Variants in RDX observed in about 807,000 individuals in gnomAD.
RDX encodes radixin, also known as deafness, autosomal recessive 24.
Under a neutral mutation model 83.7 loss-of-function variants are expected in RDX, and 32 were observed. The ratio of observed to expected loss-of-function variants is 0.38; its 90% CI spans 0.29 to 0.51. The LOEUF (loss-of-function observed/expected upper bound fraction) is 0.51, where lower values mean the gene tolerates loss of function less well. Ranked by LOEUF, RDX falls within the 20% of genes least tolerant of loss-of-function variation. The pLI, the probability that RDX is intolerant of heterozygous loss-of-function variation, is 0.87. For synonymous variants in RDX, 229 were observed against 222.7 expected, an observed-to-expected ratio of 1.03 and a Z score of -0.25; for missense variants, 600 against 689.9, an observed-to-expected ratio of 0.87 and a Z score of 1.46.
chr11:110,185,534 CAG>C (rs1862969513), intron 15 of RDX: 1 of 152,252 alleles, frequency 6.6e-6, no homozygotes, highest in African/African-American at 2.4e-5. Flanking sequence ...CATGCTGAAT[CAG>C]AAACTCTGGT....
At chr11:110,296,332 G>A (rs1044482143) in intron 1 of RDX, 135 bp downstream of exon 1, 16 of 152,008 alleles carry the variant, frequency 1.1e-4, no homozygotes, top group Admixed American at 9.8e-4. Flanking sequence ...AGCTGGGCGC[G>A]AGCGGAGGCG....
At chr11:110,267,739 G>A (rs1860116568) in intron 3 of RDX, among the ~76,000 whole-genome samples, 1 of 151,750 alleles carries the variant, frequency 6.6e-6, no homozygotes, top group South Asian at 2.1e-4. Context: ...CAAGGCAGGA[G>A]GAGCTCAGGA....
intron 1 of RDX, among the ~76,000 whole-genome samples, chr11:110,294,524 G>A (rs1861367901): frequency 6.6e-6 from 1 of 152,016 alleles, no homozygotes; most frequent in Non-Finnish European, 1.5e-5. Flanking sequence ...AATTCCTTGA[G>A]TAAAAATTTA....
At chr11:110,265,964 T>C (rs1232206590) in intron 3 of RDX, among the ~76,000 whole-genome samples, 3 of 152,192 alleles carry the variant, frequency 2.0e-5, no homozygotes, top group East Asian at 3.8e-4. Context: ...ACAGAGATTA[T>C]TGATTTATGT....
intron 1 of RDX, among the ~76,000 whole-genome samples, chr11:110,292,173 A>G (rs1165258188): frequency 2.0e-5 from 3 of 152,018 alleles, no homozygotes; most frequent in Non-Finnish European, 4.4e-5. Context: ...TGTGCCTTAA[A>G]TCCCAGCTAC....
At chr11:110,175,575 G>A (rs1352017045) in intron 15 of RDX, among the ~76,000 whole-genome samples, 1 of 152,236 alleles carries the variant, frequency 6.6e-6, no homozygotes, top group East Asian at 1.9e-4. Flanking sequence ...GGTCTGGGTG[G>A]GTGGGTGTCA....
At chr11:110,236,333 C>T in intron 11 of RDX, 142 bp from the exon 12 acceptor site, 1 of 641,188 alleles carries the variant, frequency 1.6e-6, no homozygotes, top group East Asian at 2.8e-5. Flanking sequence ...TTCTTAAGAT[C>T]TTAAATAGCT....
intron 15 of RDX, among the ~76,000 whole-genome samples, chr11:110,189,740 C>A (rs1863067664): frequency 6.6e-6 from 1 of 152,214 alleles, no homozygotes; most frequent in African/African-American, 2.4e-5. Flanking sequence ...AATTAAACAA[C>A]TGCTCCTGAA....
chr11:110,182,231 G>A (rs2134218057), intron 15 of RDX, among the ~76,000 whole-genome samples: 1 of 152,344 alleles, frequency 6.6e-6, no homozygotes, highest in East Asian at 1.9e-4. Context: ...AGCTCCAGGA[G>A]GGCAGAGACG....
At chr11:110,206,236 GAC>G (rs998430635) in intron 14 of RDX, among the ~76,000 whole-genome samples, 1 of 123,106 alleles carries the variant, frequency 8.1e-6, no homozygotes, top group African/African-American at 3.2e-5. Context: ...CAGCCTGGAC[GAC>G]AGAGTGAGAG....
At chr11:110,237,184 GCAAAAGACGC>G in intron 11 of RDX, among the ~76,000 whole-genome samples, 1 of 148,356 alleles carries the variant, frequency 6.7e-6, no homozygotes. Flanking sequence ...TTTATCTAAA[GCAAAAGACGC>G]CAACTGACTT....
Position 110,264,796 on chromosome 11 carries a change from G to C in RDX, c.175C>G (p.Leu59Val). 1 of 1,610,564 alleles carries C rather than the reference G, an allele frequency of 6.2e-7. No individual in the cohort carries two copies. The highest frequency in any genetic ancestry group is 8.5e-7 in the Non-Finnish European group (1 of 1,177,296). Residue 59 changes from leucine to valine, a missense_variant, in exon 4 of 14, where the codon CTT becomes GTT. Physicochemically the swap from Leu to Val is conservative, Grantham distance 32. Transcript: ENST00000645495. The part of the protein sequence containing the change: ...YVDSKGYSTW[L>V]KLNKKVTQQD... ...TATTTTACCTTTTTATTTAGTTTAA[G>C]CCATGTAGAATAACCTTTGCTGTCT...
chr11:110,238,046 A>G (rs367647444), intron 10 of RDX, among the ~76,000 whole-genome samples: 2 of 152,240 alleles, frequency 1.3e-5, no homozygotes, highest in African/African-American at 4.8e-5. Context: ...TAATCTCTCC[A>G]TCTGAAGTTT....
intron 2 of RDX, among the ~76,000 whole-genome samples, chr11:110,279,352 C>G (rs1475479954): frequency 6.6e-6 from 1 of 152,028 alleles, no homozygotes; most frequent in East Asian, 1.9e-4. Flanking sequence ...ATGGTGAAAC[C>G]CCATCTATAC....
chr11:110,208,117 G>T (rs1683413758), intron 14 of RDX, among the ~76,000 whole-genome samples: 1 of 151,912 alleles, frequency 6.6e-6, no homozygotes. Flanking sequence ...ACCATGCCCG[G>T]CCCAGATCTA....
In RDX at chr11:110,231,646, C is replaced by A; in HGVS notation, c.*223G>T. 3 of 557,866 alleles carry A rather than the reference C, an allele frequency of 5.4e-6. No homozygotes were observed. Among genetic ancestry groups the A allele is most frequent in the Non-Finnish European group, 6.4e-6 (2 of 313,312 alleles). 34.6% of individuals were successfully genotyped at this position (557,866 alleles called of 1,614,324 possible). A position where few individuals can be genotyped will look rare whatever the true frequency, so the allele number is the denominator to read the frequency against. ...AAAAATGTGAAAAGAGGCAATGGAA[C>A]ACCATTCTCCATTCCCTGGACCAAA... On this transcript the variant is annotated 3_prime_UTR_variant, in exon 14 of 14. Coordinates refer to ENST00000645495, the MANE Select transcript of RDX (RefSeq NM_002906.4).
chr11:110,221,965 G>A (rs1336226944), intron 14 of RDX, among the ~76,000 whole-genome samples: 1 of 151,930 alleles, frequency 6.6e-6, no homozygotes, highest in South Asian at 2.1e-4. Flanking sequence ...TGCACAAACA[G>A]CAATTGCTCT....
chr11:110,191,737 T>C (rs1196610644), intron 15 of RDX, among the ~76,000 whole-genome samples: 1 of 152,126 alleles, frequency 6.6e-6, no homozygotes, highest in Non-Finnish European at 1.5e-5. Flanking sequence ...GTGCCTGTAG[T>C]CCCAGCTACT....
At chr11:110,190,046 G>A (rs1011066688) in intron 15 of RDX, among the ~76,000 whole-genome samples, 1 of 152,128 alleles carries the variant, frequency 6.6e-6, no homozygotes, top group African/African-American at 2.4e-5. Context: ...TCGTGCCATT[G>A]CACTCCAGCC....
Sources: gnomAD v4.1 joint callset for allele counts (sites outside exome capture counted in the v4.1 genomes callset) on GRCh38, gnomAD v4.1.1 for gene constraint, MANE v1.5 for transcripts, NCBI Gene and HGNC (gene_info 2026-07-23, HGNC 2026-07-21) for gene names.